Variants in IHH observed in about 807,000 individuals in gnomAD.
IHH encodes the protein indian hedgehog protein.
In IHH, 9 loss-of-function variants were observed where a neutral mutation model predicts 29.4. The ratio of observed to expected loss-of-function variants is 0.31; its 90% confidence interval spans 0.18 to 0.53. The LOEUF is 0.53. IHH is among the 20% of genes least tolerant of loss of function. The pLI, the probability that IHH is intolerant of heterozygous loss-of-function variation, is 0.95. For missense variants in IHH, 454 were observed against 578.1 expected, an observed-to-expected ratio of 0.79 and a Z score of 2.20; for synonymous variants, 254 against 252.7, an observed-to-expected ratio of 1.01 and a Z score of -0.05.
rs1423843400 is a variant in IHH, at chr2:219,059,303, GTC to G, written c.315+848_315+849del. Among the ~76,000 whole-genome samples the G allele has an allele frequency of 6.6e-6, 1 of 152,208 alleles. No homozygotes were observed. Among genetic ancestry groups the G allele is most frequent in the Non-Finnish European group, 1.5e-5 (1 of 68,040 alleles). On this transcript the variant is annotated intron_variant, in intron 1 of 2. Transcript: ENST00000295731. This position sits in a 1 kb window ranked among gnomAD's most constrained non-coding sequence, Gnocchi z 4.7. ...GAGACCCCGAAGGAAGGGGGTGAAG[GTC>G]TCTCCCCTCGCGGACCTGGCTGCTG...
Position 219,055,164 on chromosome 2 carries a change from G to A in IHH, c.*43C>T. Reference sequence around the variant, plus strand: ...GCTCCCTCCTGGCTGAGAGGCTTCTGGACCCAGTACAGCAGTTCCAGGAGG... The same window carrying A: ...GCTCCCTCCTGGCTGAGAGGCTTCTAGACCCAGTACAGCAGTTCCAGGAGG... On this transcript the variant is annotated 3_prime_UTR_variant, in exon 3 of 3. Transcript: ENST00000295731. The A allele has an allele frequency of 6.5e-7, 1 of 1,548,104 alleles. No individual in the cohort carries two copies. The highest frequency in any genetic ancestry group is 2.4e-5 in the East Asian group (1 of 40,920).
At chr2:219,055,950 AG>A in intron 2 of IHH, 85 bp from the exon 3 acceptor site, 1 of 1,434,082 alleles carries the variant, frequency 7.0e-7, no homozygotes, top group Non-Finnish European at 9.5e-7. Context: ...CACCCCAGCC[AG>A]CCAGAGCTCC....
rs780399315 is a variant in IHH, at chr2:219,055,557, T to A, written c.886A>T (p.Ser296Cys). ...PAARFRATFA[S>C]HVQPGQYVLV... The stretch of plus-strand genomic sequence containing the variant: ...ACGTACTGGCCAGGCTGCACGTGGC[T>A]GGCAAATGTGGCCCGGAAGCGGGCT... The change falls in exon 3 of 3, where the codon AGC (serine) becomes TGC (cysteine). Residue 296 changes from serine (S) to cysteine (C), a missense_variant. Ser to Cys is a moderately radical substitution (Grantham distance 112). This residue lies in a region of IHH where 271 missense variants were observed against 315.9 expected (regional missense o/e 0.86). Transcript: ENST00000295731. The A allele has an allele frequency of 6.2e-7, 1 of 1,612,904 alleles. No homozygotes were observed.
chr2:219,060,793 C>G lies in IHH; in HGVS notation c.-326G>C, dbSNP rs922032443. On this transcript the variant is annotated 5_prime_UTR_variant, in exon 1 of 3. Coordinates refer to ENST00000295731, the MANE Select transcript of IHH (RefSeq NM_002181.4). The surrounding 1 kb of genome is among the most constrained non-coding windows in gnomAD (Gnocchi z 8.8). ...GGCGGCGGGCGGCGGGGCTGCGGGC[C>G]GCCGGGCTGGGCTGGGCTGGCCGGG... 2.7e-5 allele frequency among the ~76,000 whole-genome samples: 4 copies of G among 146,940 alleles called. No homozygotes were observed. Among genetic ancestry groups the G allele is most frequent in the African/African-American group, 9.8e-5 (4 of 40,788 alleles).
At chr2:219,057,948 C>T (rs1948845486) in intron 1 of IHH, among the ~76,000 whole-genome samples, 1 of 152,256 alleles carries the variant, frequency 6.6e-6, no homozygotes, top group Admixed American at 6.5e-5. Context: ...AGGCAAGCGC[C>T]CTGGCGGCGC....
Position 219,055,712 on chromosome 2 carries a change from A to G in IHH, c.731T>C (p.Leu244Pro). The change falls in exon 3 of 3, where the codon CTC (leucine) becomes CCC (proline). Residue 244 changes from leucine to proline, a missense_variant. Physicochemically the swap from Leu to Pro is moderately conservative, Grantham distance 98. Transcript: ENST00000295731. ...GTGAGGCTCGCGGTCCAGGAAAATG[A>G]GCACATCGCTGAAGGTGGGGCTCCC... is the stretch of plus-strand genomic sequence containing the variant. ...EDGSPTFSDV[L>P]IFLDREPHRL... is the part of the protein sequence containing the mutation. 6.2e-7 allele frequency: 1 copy of G among 1,613,804 alleles called. No individual in the cohort carries two copies. Among genetic ancestry groups the G allele is most frequent in the Non-Finnish European group, 8.5e-7 (1 of 1,179,852 alleles).
chr2:219,055,552 G>C lies in IHH; in HGVS notation c.891C>G (p.His297Gln), dbSNP rs527633446. ...AARFRATFAS[H>Q]VQPGQYVLVA... ...CCAGCACGTACTGGCCAGGCTGCAC[G>C]TGGCTGGCAAATGTGGCCCGGAAGC... The change falls in exon 3 of 3, where the codon CAC (histidine) becomes CAG (glutamine). Residue 297 changes from histidine to glutamine, a missense_variant. By Grantham distance (24) the His-to-Gln change is conservative. Transcript: ENST00000295731. 2 of 1,612,914 alleles carry C rather than the reference G, an allele frequency of 1.2e-6. No homozygotes were observed. Among genetic ancestry groups the C allele is most frequent in the Non-Finnish European group, 1.7e-6 (2 of 1,179,810 alleles).
Position 219,055,135 on chromosome 2 carries a change from G to C in IHH, c.*72C>G. 1.3e-6 allele frequency: 2 copies of C among 1,504,962 alleles called. No homozygotes were observed. Among genetic ancestry groups the C allele is most frequent in the Non-Finnish European group, 1.8e-6 (2 of 1,107,272 alleles). 93.2% of individuals were successfully genotyped at this position (1,504,962 alleles called of 1,614,324 possible). A position where few individuals can be genotyped will look rare whatever the true frequency, so the allele number is the denominator to read the frequency against. ...TCCCCCAGCTCAGGTCCCTTCCAGG[G>C]CCAGCTCCCTCCTGGCTGAGAGGCT... On this transcript the variant is annotated 3_prime_UTR_variant, in exon 3 of 3. Coordinates refer to ENST00000295731, the MANE Select transcript of IHH (RefSeq NM_002181.4).
At chr2:219,058,008 G>A (rs946949322) in intron 1 of IHH, among the ~76,000 whole-genome samples, 19 of 152,236 alleles carry the variant, frequency 1.2e-4, no homozygotes, top group African/African-American at 4.3e-4. Flanking sequence ...CTTCAGCTCC[G>A]GGTATCCATC....
chr2:219,057,608 G>C lies in IHH; in HGVS notation c.402C>G (p.Asp134Glu). Reference protein sequence around the residue: ...GVKLRVTEGWDEDGHHSEESL... With the variant: ...GVKLRVTEGWEEDGHHSEESL... ...ACTCCTCTGAGTGGTGGCCGTCCTCGTCCCAGCCCTCGGTCACCCGCAGCT... is the reference window on the plus strand; with the variant it reads ...ACTCCTCTGAGTGGTGGCCGTCCTCCTCCCAGCCCTCGGTCACCCGCAGCT... The change falls in exon 2 of 3, where the codon GAC becomes GAG. Residue 134 changes from aspartate to glutamate, a missense_variant. Physicochemically the swap from Asp to Glu is conservative, Grantham distance 45 (BLOSUM62 2). Coordinates refer to ENST00000295731, the MANE Select transcript of IHH (RefSeq NM_002181.4). 1 of 1,613,966 alleles carries C rather than the reference G, an allele frequency of 6.2e-7. No individual in the cohort carries two copies. The highest frequency in any genetic ancestry group is 8.5e-7 in the Non-Finnish European group (1 of 1,180,028).
In IHH at chr2:219,059,743, G is replaced by A. The variant is rs1035860180; in HGVS notation, c.315+410C>T. 3.9e-5 allele frequency among the ~76,000 whole-genome samples: 6 copies of A among 152,200 alleles called. No individual in the cohort carries two copies. Among genetic ancestry groups the A allele is most frequent in the Admixed American group, 3.9e-4 (6 of 15,284 alleles). ...GCACCCAGAGATTCTTTGCCTCAGG[G>A]GTGCCGAAAAGTTTCAAAATGAAAG... On this transcript the variant is annotated intron_variant, in intron 1 of 2. Transcript: ENST00000295731. This position sits in a 1 kb window ranked among gnomAD's most constrained non-coding sequence, Gnocchi z 4.7.
rs1375708783 is a variant in IHH, at chr2:219,059,638, C to A, written c.315+515G>T. On this transcript the variant is annotated intron_variant, in intron 1 of 2. Transcript: ENST00000295731. This position sits in a 1 kb window ranked among gnomAD's most constrained non-coding sequence, Gnocchi z 4.7. ...CTTCCTCGCTGTTCTTAACCCCAGA[C>A]CCAGCCGGGACGCTGCTCCTGGAAG... 6.6e-6 allele frequency among the ~76,000 whole-genome samples: 1 copy of A among 152,216 alleles called. No individual in the cohort carries two copies. Among genetic ancestry groups the A allele is most frequent in the African/African-American group, 2.4e-5 (1 of 41,464 alleles).
Position 219,057,524 on chromosome 2 carries a change from C to T in IHH, c.486G>A (p.Lys162=), listed in dbSNP as rs1247774141. The T allele has an allele frequency of 1.9e-6, 3 of 1,614,050 alleles. No individual in the cohort carries two copies. Among genetic ancestry groups the T allele is most frequent in the African/African-American group, 1.3e-5 (1 of 75,066 alleles). Residue 162 remains lysine, a synonymous_variant, in exon 2 of 3, where the codon AAG becomes AAA. Transcript: ENST00000295731. ...CTGCCAAGCGCGCCAGCAGTCCATA[C>T]TTATTGCGGTCGCGGTCTGATGTGG... ...DITTSDRDRN[K]YGLLARLAVE...
At position 219,055,227 on chromosome 2, in the gene IHH, T is replaced by C. The variant is rs755191317; in HGVS notation, c.1216A>G (p.Met406Val). 1 of 1,588,822 alleles carries C rather than the reference T, an allele frequency of 6.3e-7. No individual in the cohort carries two copies. The highest frequency in any genetic ancestry group is 1.3e-5 in the African/African-American group (1 of 74,146). The change falls in exon 3 of 3, where the codon ATG becomes GTG. Residue 406 changes from methionine (M) to valine (V), a missense_variant. By Grantham distance (21) the Met-to-Val change is conservative. Transcript: ENST00000295731. ...TCCTTTCAGCTCCCTGCCCCGGACA[T>C]GCCCAGTGGGTGGAAGCTGCCCTCT... ...LEEGSFHPLG[M>V]SGAGS
chr2:219,054,890 G>A lies in IHH; in HGVS notation c.*317C>T. 2.6e-6 allele frequency: 1 copy of A among 381,886 alleles called. No individual in the cohort carries two copies. The allele number at this position is 381,886 out of a possible 1,614,324, so 23.7% of individuals were successfully genotyped here. On this transcript the variant is annotated 3_prime_UTR_variant, in exon 3 of 3. Transcript: ENST00000295731. ...ATGGATGGAATGGGCCCTCCCCAAT[G>A]GGGGAGGCAGAGTATGAAAACTCGT...
In IHH at chr2:219,060,400, G is replaced by A. The variant is rs902553944; in HGVS notation, c.68C>T (p.Pro23Leu). The A allele has an allele frequency of 1.3e-6, 2 of 1,599,482 alleles. No individual in the cohort carries two copies. The highest frequency in any genetic ancestry group is 1.7e-6 in the Non-Finnish European group (2 of 1,176,870). ...ACCCGGCCCGCAGCCCCATGCCGCC[G>A]GCACCACCAGCAGCAGCAACAGGAC... ...CLVLLLLLVV[P>L]AAWGCGPGRV... The change falls in exon 1 of 3, where the codon CCG (proline) becomes CTG (leucine). Residue 23 changes from proline (P) to leucine (L), a missense_variant. Pro to Leu is a moderately conservative substitution (Grantham distance 98). This residue lies in a region of IHH where 113 missense variants were observed against 122.1 expected (regional missense o/e 0.93). Coordinates refer to ENST00000295731, the MANE Select transcript of IHH (RefSeq NM_002181.4). The surrounding 1 kb of genome is among the most constrained non-coding windows in gnomAD (Gnocchi z 8.8).
In IHH at chr2:219,055,849, G is replaced by A. The variant is rs1559179196; in HGVS notation, c.594C>T (p.Ala198=). 6.2e-7 allele frequency: 1 copy of A among 1,608,626 alleles called. No homozygotes were observed. Among genetic ancestry groups the A allele is most frequent in the East Asian group, 2.2e-5 (1 of 44,872 alleles). Residue 198 remains alanine (A), a synonymous_variant, in exon 3 of 3, where the codon GCC becomes GCT. Coordinates refer to ENST00000295731, the MANE Select transcript of IHH (RefSeq NM_002181.4). ...CSVKSEHSAA[A]KTGGCFPAGA... is the part of the protein sequence containing the mutation. ...CGGCAGGGAAGCAGCCGCCCGTCTT[G>A]GCTGCGGCCGAGTGCTCTGTGGGAG...
chr2:219,060,512 C>A lies in IHH; in HGVS notation c.-45G>T, dbSNP rs1450086952. 7.4e-7 allele frequency: 1 copy of A among 1,343,186 alleles called. No homozygotes were observed. The highest frequency in any genetic ancestry group is 9.6e-7 in the Non-Finnish European group (1 of 1,039,502). The allele number at this position is 1,343,186 out of a possible 1,614,324, so 83.2% of individuals were successfully genotyped here. On this transcript the variant is annotated 5_prime_UTR_variant, in exon 1 of 3. Coordinates refer to ENST00000295731, the MANE Select transcript of IHH (RefSeq NM_002181.4). This position sits in a 1 kb window ranked among gnomAD's most constrained non-coding sequence, Gnocchi z 8.8. The stretch of plus-strand genomic sequence containing the variant: ...GCGGCGGGCGAGGTCTCCTGGTGGG[C>A]TGATGGGCAGGCGCGTCGACGGGAG...
Position 219,055,756 on chromosome 2 carries a change from C to T in IHH, c.687G>A (p.Val229=), listed in dbSNP as rs760314275. The part of the protein sequence containing the change: ...ALSAVRPGDR[V]LAMGEDGSPT... ...GGCTCCCATCCTCCCCCATGGCCAGCACACGGTCTCCCGGCCTCACGGCTG... is the reference window on the plus strand; with the variant it reads ...GGCTCCCATCCTCCCCCATGGCCAGTACACGGTCTCCCGGCCTCACGGCTG... Residue 229 remains valine (V), a synonymous_variant, in exon 3 of 3, where the codon GTG becomes GTA. Coordinates refer to ENST00000295731, the MANE Select transcript of IHH (RefSeq NM_002181.4). The T allele has an allele frequency of 1.2e-6, 2 of 1,613,650 alleles. No individual in the cohort carries two copies. The highest frequency in any genetic ancestry group is 8.5e-7 in the Non-Finnish European group (1 of 1,179,996).
Sources: allele counts gnomAD v4.1 joint callset (sites outside exome capture counted in the v4.1 genomes callset), GRCh38; gene constraint gnomAD v4.1.1; regional missense constraint gnomAD v4.1.1; non-coding constraint Gnocchi (gnomAD v3.1); transcripts MANE v1.5; gene names NCBI Gene and HGNC (gene_info 2026-07-23, HGNC 2026-07-21).